MUSTN1: variants seen among roughly 807,000 people sequenced by gnomAD.
The protein encoded by MUSTN1 is musculoskeletal embryonic nuclear protein 1.
MUSTN1 carries 14 observed loss-of-function variants against 11.8 expected under a neutral mutation model. The ratio of observed to expected loss-of-function variants is 1.18; its 90% CI spans 0.78 to 1.85. MUSTN1 has a LOEUF of 1.85. MUSTN1 is among the 40% of genes most tolerant of loss of function. The pLI, the probability that MUSTN1 is intolerant of heterozygous loss-of-function variation, is 0.00. For missense variants in MUSTN1, 111 were observed against 108.8 expected, an observed-to-expected ratio of 1.02 and a Z score of -0.09; for synonymous variants, 42 against 43.3, an observed-to-expected ratio of 0.97 and a Z score of 0.12.
chr3:52,833,410 G>T lies in MUSTN1; in HGVS notation c.163C>A (p.Pro55Thr), dbSNP rs752353240. The T allele has an allele frequency of 1.9e-6, 3 of 1,613,306 alleles. No individual in the cohort carries two copies. The highest frequency in any genetic ancestry group is 2.5e-6 in the Non-Finnish European group (3 of 1,179,382). ...RECEQAGSAAPSVFSRTRTGT... is the reference protein window; with the variant it reads ...RECEQAGSAATSVFSRTRTGT... ...GTGCGGGTGCGGCTGAACACCGACG[G>T]GGCGGCCGAGCCAGCTTGCTCTGTG... is the stretch of plus-strand genomic sequence containing the variant. The change falls in exon 3 of 3, where the codon CCG (proline) becomes ACG (threonine). Residue 55 changes from proline (P) to threonine (T), a missense_variant. By Grantham distance (38) the Pro-to-Thr change is conservative. Transcript: ENST00000446157.
chr3:52,833,288 G>T lies in MUSTN1; in HGVS notation c.*36C>A. 6.2e-7 allele frequency: 1 copy of T among 1,613,202 alleles called. No individual in the cohort carries two copies. The highest frequency in any genetic ancestry group is 2.2e-5 in the East Asian group (1 of 44,840). ...GTTCCTGGGAAAGGCTCCTGTTTCC[G>T]AGCATTCGGGCAGCAAGGGGAGTGG... On this transcript the variant is annotated 3_prime_UTR_variant, in exon 3 of 3. Transcript: ENST00000446157.
Position 52,833,365 on chromosome 3 carries a change from C to CA in MUSTN1, c.207dup (p.Glu70Ter). ...TTGGTGGGTCCGGCTTTGGGCTTCTCAAAGACAGTCTCGGTACCTGTGCGG... is the reference window on the plus strand; with the variant it reads ...TTGGTGGGTCCGGCTTTGGGCTTCTCAAAAGACAGTCTCGGTACCTGTGCGG... On this transcript the variant is annotated frameshift_variant, in exon 3 of 3. Coordinates refer to ENST00000446157, the MANE Select transcript of MUSTN1 (RefSeq NM_205853.4). LOFTEE classifies it high-confidence loss of function. 1 of 1,613,948 alleles carries CA rather than the reference C, an allele frequency of 6.2e-7. No individual in the cohort carries two copies.
rs1436722430 is a variant in MUSTN1, at chr3:52,833,604, T to G, written c.142+13A>C. ...CCCCCATCCCCAGCCCCAGATGGCA[T>G]GAGGACACTCACCACACTCTCGCAT... On this transcript the variant is annotated intron_variant, in intron 2 of 2. Transcript: ENST00000446157. 8.1e-6 allele frequency: 13 copies of G among 1,610,324 alleles called. No individual in the cohort carries two copies. The highest frequency in any genetic ancestry group is 1.1e-5 in the Non-Finnish European group (13 of 1,178,320).
Position 52,833,404 on chromosome 3 carries a change from C to T in MUSTN1, c.169G>A (p.Val57Met), listed in dbSNP as rs768736565. Residue 57 changes from valine to methionine, a missense_variant, in exon 3 of 3, where the codon GTG (valine) becomes ATG (methionine). By Grantham distance (21) the Val-to-Met change is conservative. Coordinates refer to ENST00000446157, the MANE Select transcript of MUSTN1 (RefSeq NM_205853.4). ...CEQAGSAAPS[V>M]FSRTRTGTET... ...GTACCTGTGCGGGTGCGGCTGAACA[C>T]CGACGGGGCGGCCGAGCCAGCTTGC... 7 of 1,613,314 alleles carry T rather than the reference C, an allele frequency of 4.3e-6. No homozygotes were observed. The African/African-American group carries it at 6.7e-5, about 15-fold the overall frequency.
At chr3:52,834,188 G>A (rs750385830) in intron 1 of MUSTN1, among the ~76,000 whole-genome samples, 5 of 152,234 alleles carry the variant, frequency 3.3e-5, no homozygotes, top group Non-Finnish European at 7.3e-5. Context: ...TTTACTTTGT[G>A]TCTTTGGGGC....
At position 52,834,752 on chromosome 3, in the gene MUSTN1, AC is replaced by A. The variant is rs776244588; in HGVS notation, c.9+187del. On this transcript the variant is annotated intron_variant, in intron 1 of 2. Transcript: ENST00000446157. ...CACTCCTCCTAACAAACCGTGGAATACCACCAAAGCCACATAGAAGAGGGGT... is the reference window on the plus strand; with the variant it reads ...CACTCCTCCTAACAAACCGTGGAATACACCAAAGCCACATAGAAGAGGGGT... 38 of 740,956 alleles carry A rather than the reference AC, an allele frequency of 5.1e-5. 1 individual carries two copies. The South Asian group carries it at 5.7e-4, about 11-fold the overall frequency. The allele number at this position is 740,956 out of a possible 1,614,324, so 45.9% of individuals were successfully genotyped here.
In MUSTN1 at chr3:52,833,293, T is replaced by C; in HGVS notation, c.*31A>G. On this transcript the variant is annotated 3_prime_UTR_variant, in exon 3 of 3. Coordinates refer to ENST00000446157, the MANE Select transcript of MUSTN1 (RefSeq NM_205853.4). ...TGGGAAAGGCTCCTGTTTCCGAGCA[T>C]TCGGGCAGCAAGGGGAGTGGCGCAC... is the stretch of plus-strand genomic sequence containing the variant. 1.2e-6 allele frequency: 2 copies of C among 1,613,474 alleles called. No homozygotes were observed. Among genetic ancestry groups the C allele is most frequent in the Non-Finnish European group, 1.7e-6 (2 of 1,179,694 alleles).
chr3:52,833,825 A>G, intron 1 of MUSTN1, 76 bp from the exon 2 acceptor site: 1 of 1,524,022 alleles, frequency 6.6e-7, no homozygotes, highest in African/African-American at 1.4e-5. Flanking sequence ...GCCTTGGCCA[A>G]GACCCCTCTT....
At chr3:52,833,777 T>C (rs774776663) in intron 1 of MUSTN1, 28 bp from the exon 2 acceptor site, 28 of 1,564,416 alleles carry the variant, frequency 1.8e-5, no homozygotes, top group Non-Finnish European at 2.3e-5. Context: ...CTCATCTTAC[T>C]ACCTGAAGCC....
intron 2 of MUSTN1, 71 bp from the exon 3 acceptor site, chr3:52,833,501 C>T (rs938570696): frequency 1.3e-6 from 2 of 1,588,544 alleles, no homozygotes; most frequent in East Asian, 2.3e-5. Flanking sequence ...ATGGGAGCAC[C>T]TTTCTTGAAC....
rs917164907 is a variant in MUSTN1 at position 52,833,765 on chromosome 3, G to A, written c.10-16C>T. The A allele has an allele frequency of 5.1e-6, 8 of 1,570,036 alleles. No individual in the cohort carries two copies. In the African/African-American group the frequency reaches 6.8e-5, roughly 13 times the overall value. On this transcript the variant is annotated splice_polypyrimidine_tract_variant and intron_variant, in intron 1 of 2. Transcript: ENST00000446157. ...GAGCACCAGCCTTGGAGATCCAAGA[G>A]CCTCATCTTACTACCTGAAGCCTCG... is the stretch of plus-strand genomic sequence containing the variant.
At position 52,833,285 on chromosome 3, in the gene MUSTN1, T is replaced by G. The variant is rs757652077; in HGVS notation, c.*39A>C. On this transcript the variant is annotated 3_prime_UTR_variant, in exon 3 of 3. Coordinates refer to ENST00000446157, the MANE Select transcript of MUSTN1 (RefSeq NM_205853.4). ...AGAGTTCCTGGGAAAGGCTCCTGTTTCCGAGCATTCGGGCAGCAAGGGGAG... is the reference window on the plus strand; with the variant it reads ...AGAGTTCCTGGGAAAGGCTCCTGTTGCCGAGCATTCGGGCAGCAAGGGGAG... The G allele has an allele frequency of 6.2e-7, 1 of 1,612,998 alleles. No homozygotes were observed. Among genetic ancestry groups the G allele is most frequent in the Non-Finnish European group, 8.5e-7 (1 of 1,179,554 alleles).
chr3:52,834,939 C>T lies in MUSTN1; in HGVS notation c.9+1G>A, dbSNP rs749802208. 6.2e-7 allele frequency: 1 copy of T among 1,613,672 alleles called. No individual in the cohort carries two copies. The highest frequency in any genetic ancestry group is 2.2e-5 in the East Asian group (1 of 44,886). Reference sequence around the variant, plus strand: ...ACACAGCCCTTGCTGGGTCCTCCTACCTGGGACATGGTGGGTATTGTGTAA... The same window carrying T: ...ACACAGCCCTTGCTGGGTCCTCCTATCTGGGACATGGTGGGTATTGTGTAA... On this transcript the variant is annotated splice_donor_variant, in intron 1 of 2. Transcript: ENST00000446157. LOFTEE classifies it high-confidence loss of function.
chr3:52,833,807 A>G, intron 1 of MUSTN1, 58 bp from the exon 2 acceptor site: 1 of 1,540,162 alleles, frequency 6.5e-7, no homozygotes. Context: ...AGGCACACCT[A>G]CCTCTGTGCC....
chr3:52,833,238 A>C lies in MUSTN1; in HGVS notation c.*86T>G, dbSNP rs774008878. The C allele has an allele frequency of 1.3e-5, 21 of 1,557,562 alleles. No individual in the cohort carries two copies. The South Asian group carries it at 2.1e-4, about 16-fold the overall frequency. On this transcript the variant is annotated 3_prime_UTR_variant, in exon 3 of 3. Coordinates refer to ENST00000446157, the MANE Select transcript of MUSTN1 (RefSeq NM_205853.4). ...GGCAGCCCCAGAGACAGCAGGGGAG[A>C]GGAAGCGTTCTGGCATAAAAAAGAG...
chr3:52,833,168 T>C lies in MUSTN1; in HGVS notation c.*156A>G, dbSNP rs1412893895. The C allele has an allele frequency of 3.6e-6, 4 of 1,101,434 alleles. No individual in the cohort carries two copies. The highest frequency in any genetic ancestry group is 2.6e-5 in the East Asian group (1 of 38,950). 68.2% of individuals were successfully genotyped at this position (1,101,434 alleles called of 1,614,324 possible). ...CTCTTTATTGGTGCTTCCAAGGTGC[T>C]GGTGCAGAGCCCTTGGCTGAAGGGC... On this transcript the variant is annotated 3_prime_UTR_variant, in exon 3 of 3. Transcript: ENST00000446157.
rs897634080 is a variant in MUSTN1 at position 52,834,839 on chromosome 3, C to G, written c.9+101G>C. 14 of 1,431,988 alleles carry G rather than the reference C, an allele frequency of 9.8e-6. No individual in the cohort carries two copies. The African/African-American group carries it at 1.6e-4, about 16-fold the overall frequency. The allele number at this position is 1,431,988 out of a possible 1,614,324, so 88.7% of individuals were successfully genotyped here. A position where few individuals can be genotyped will look rare whatever the true frequency, so the allele number is the denominator to read the frequency against. On this transcript the variant is annotated intron_variant, in intron 1 of 2. Coordinates refer to ENST00000446157, the MANE Select transcript of MUSTN1 (RefSeq NM_205853.4). Reference sequence around the variant, plus strand: ...AGGGCTGCAGAGCCTCCAGTTCATGCTTGGGGCTCAGATCAAGACACAGCT... The same window carrying G: ...AGGGCTGCAGAGCCTCCAGTTCATGGTTGGGGCTCAGATCAAGACACAGCT...
At chr3:52,834,172 C>T (rs1261735761) in intron 1 of MUSTN1, among the ~76,000 whole-genome samples, 1 of 152,200 alleles carries the variant, frequency 6.6e-6, no homozygotes, top group Non-Finnish European at 1.5e-5. Context: ...CAGAAAAGCG[C>T]CACTATTTAC....
rs774168594 is a variant in MUSTN1, at chr3:52,834,967, G to T, written c.-19C>A. 6.2e-7 allele frequency: 1 copy of T among 1,613,414 alleles called. No individual in the cohort carries two copies. Among genetic ancestry groups the T allele is most frequent in the Admixed American group, 1.7e-5 (1 of 59,978 alleles). On this transcript the variant is annotated 5_prime_UTR_variant, in exon 1 of 3. Transcript: ENST00000446157. ...GGGACATGGTGGGTATTGTGTAAGC[G>T]CTGGGTCTCTGAAGGCGCCTCTCTG...
Sources: allele counts gnomAD v4.1 joint callset (sites outside exome capture counted in the v4.1 genomes callset), GRCh38; gene constraint gnomAD v4.1.1; transcripts MANE v1.5; gene names NCBI Gene and HGNC (gene_info 2026-07-23, HGNC 2026-07-21).